The following RAB28 variants were observed in gnomAD, a reference collection of about 807,000 sequenced individuals.
RAB28 encodes RAB28, member RAS oncogene family.
RAB28 carries 24 observed loss-of-function variants against 31.7 expected under a neutral mutation model. That is an observed-to-expected ratio of 0.76 (90% confidence interval 0.55 to 1.06). RAB28 has a LOEUF of 1.06. Ranked by LOEUF, RAB28 falls within the 50% of genes least tolerant of loss-of-function variation. The pLI is 0.00. For synonymous variants in RAB28, 100 were observed against 90.4 expected (o/e 1.11, Z -0.60); for missense variants, 254 against 258.5 (o/e 0.98, Z 0.12).
At chr4:13,472,973 G>A (rs189395200) in intron 3 of RAB28, among the ~76,000 whole-genome samples, 46 of 151,892 alleles carry the variant, frequency 3.0e-4, no homozygotes, top group African/African-American at 1.1e-3. Flanking sequence ...AATTTTGCAG[G>A]AGACTAAGAA....
intron 3 of RAB28, among the ~76,000 whole-genome samples, chr4:13,461,773 A>G (rs1008846653): frequency 6.6e-6 from 1 of 152,160 alleles, no homozygotes; most frequent in Non-Finnish European, 1.5e-5. Flanking sequence ...AAAGCTCTAC[A>G]TACAGTATAA....
chr4:13,461,310 CT>C (rs1373889617), intron 3 of RAB28, among the ~76,000 whole-genome samples: 3 of 152,178 alleles, frequency 2.0e-5, no homozygotes, highest in Non-Finnish European at 2.9e-5. Context: ...ACACAATTTT[CT>C]TTAAATGAAA....
chr4:13,376,924 C>T (rs972387559), intron 5 of RAB28, among the ~76,000 whole-genome samples: 3 of 152,100 alleles, frequency 2.0e-5, no homozygotes, highest in African/African-American at 4.8e-5. Flanking sequence ...ACAAAACAAT[C>T]CTACTTACTA....
intron 4 of RAB28, among the ~76,000 whole-genome samples, chr4:13,389,466 T>G (rs539387241): frequency 6.6e-6 from 1 of 152,088 alleles, no homozygotes; most frequent in African/African-American, 2.4e-5. Context: ...TTAACCACCA[T>G]TTGAAAAAAC....
At chr4:13,461,526 A>G (rs968094142) in intron 3 of RAB28, among the ~76,000 whole-genome samples, 2 of 152,184 alleles carry the variant, frequency 1.3e-5, no homozygotes, top group African/African-American at 4.8e-5. Flanking sequence ...CCCAGGACAC[A>G]CTACATATAG....
intron 4 of RAB28, among the ~76,000 whole-genome samples, chr4:13,420,227 T>G (rs1264121088): frequency 6.6e-6 from 1 of 152,168 alleles, no homozygotes; most frequent in African/African-American, 2.4e-5. Context: ...AATCTCTGAA[T>G]AGACCAGTAA....
chr4:13,371,954 A>G (rs1728730089), intron 6 of RAB28: 18 of 1,305,600 alleles, frequency 1.4e-5, no homozygotes, highest in Non-Finnish European at 1.8e-5. Context: ...TGGAAATGGA[A>G]GTGGCAGCCA....
intron 4 of RAB28, among the ~76,000 whole-genome samples, chr4:13,405,336 G>C (rs1712014616): frequency 6.6e-6 from 1 of 152,086 alleles, no homozygotes; most frequent in Non-Finnish European, 1.5e-5. Context: ...CTATGAAGCT[G>C]AAACAATAAA....
intron 6 of RAB28, 152 bp from the exon 7 acceptor site, chr4:13,368,802 C>A: frequency 1.6e-5 from 8 of 507,392 alleles, no homozygotes; most frequent in East Asian, 5.0e-5. Context: ...ATAAGCCAGA[C>A]AAACAAACAA....
rs535406142 is a variant in RAB28 at position 13,447,175 on chromosome 4, C to G, written c.391+13524G>C. ...TTACATCGAAAGCCTCCTATCTGGT[C>G]TCCCTGCTTCTACTCTTATCCACTA... On this transcript the variant is annotated intron_variant, in intron 4 of 6. Transcript: ENST00000330852. 6.6e-4 allele frequency among the ~76,000 whole-genome samples: 101 copies of G among 152,314 alleles called. 1 individual carries two copies. In the South Asian group the frequency reaches 0.02, roughly 30 times the overall value.
chr4:13,446,027 C>G, intron 4 of RAB28, among the ~76,000 whole-genome samples: 1 of 152,182 alleles, frequency 6.6e-6, no homozygotes, highest in Non-Finnish European at 1.5e-5. Flanking sequence ...TATCTGTAAG[C>G]CCCTGAATGG....
chr4:13,477,235 G>A (rs10516268), intron 2 of RAB28, among the ~76,000 whole-genome samples: 8,841 of 151,316 alleles, frequency 0.058, 584 homozygotes, highest in African/African-American at 0.17. Flanking sequence ...ACAGCATACC[G>A]GATCATGAAA....
chr4:13,397,080 C>T (rs1454888288), intron 4 of RAB28, among the ~76,000 whole-genome samples: 1 of 151,976 alleles, frequency 6.6e-6, no homozygotes, highest in Admixed American at 6.5e-5. Context: ...AAAATAAATA[C>T]AAATAATCAA....
intron 4 of RAB28, among the ~76,000 whole-genome samples, chr4:13,402,543 C>T (rs1187855911): frequency 6.6e-6 from 1 of 152,148 alleles, no homozygotes; most frequent in Non-Finnish European, 1.5e-5. Context: ...AATATAGTTA[C>T]TTCAACTTTC....
intron 4 of RAB28, among the ~76,000 whole-genome samples, chr4:13,383,199 T>C (rs943652743): frequency 1.3e-5 from 2 of 152,188 alleles, no homozygotes; most frequent in Non-Finnish European, 2.9e-5. Context: ...CTAACTTTTC[T>C]AATTCAACAA....
intron 4 of RAB28, among the ~76,000 whole-genome samples, chr4:13,435,039 A>G (rs1714021270): frequency 6.6e-6 from 1 of 150,880 alleles, no homozygotes; most frequent in Non-Finnish European, 1.5e-5. Context: ...AAAAAAAGAA[A>G]AGAAAAAGAA....
chr4:13,433,964 T>C (rs1011507654), intron 4 of RAB28, among the ~76,000 whole-genome samples: 3 of 152,184 alleles, frequency 2.0e-5, no homozygotes, highest in African/African-American at 7.2e-5. Flanking sequence ...ATATACACCA[T>C]GGACTCCTAT....
chr4:13,406,183 G>A (rs1257629069), intron 4 of RAB28, among the ~76,000 whole-genome samples: 1 of 152,106 alleles, frequency 6.6e-6, no homozygotes, highest in Non-Finnish European at 1.5e-5. Flanking sequence ...CCCGGTGTGT[G>A]ATGTTCCCCT....
At chr4:13,421,405 CT>C (rs898393773) in intron 4 of RAB28, among the ~76,000 whole-genome samples, 4 of 152,142 alleles carry the variant, frequency 2.6e-5, no homozygotes, top group African/African-American at 9.7e-5. Context: ...GAAAAAACTA[CT>C]TTAAAGTTCA....
Sources: allele counts gnomAD v4.1 joint callset (sites outside exome capture counted in the v4.1 genomes callset), GRCh38; gene constraint gnomAD v4.1.1; transcripts MANE v1.5; gene names NCBI Gene and HGNC (gene_info 2026-07-23, HGNC 2026-07-21).